ASPHD1: variants seen among roughly 807,000 people sequenced by gnomAD.
ASPHD1 encodes the protein aspartate beta-hydroxylase domain-containing protein 1.
ASPHD1 carries 20 observed loss-of-function variants against 28.3 expected under a neutral mutation model. The ratio of observed to expected loss-of-function variants is 0.71; its 90% CI spans 0.50 to 1.03. ASPHD1 has a LOEUF of 1.03. Ranked by LOEUF, ASPHD1 falls within the 50% of genes least tolerant of loss-of-function variation. The pLI, the probability that ASPHD1 is intolerant of heterozygous loss-of-function variation, is 0.00. For synonymous variants in ASPHD1, 240 were observed against 221.2 expected (o/e 1.08, Z -0.75); for missense variants, 479 against 524.1 (o/e 0.91, Z 0.84).
intron 3 of ASPHD1, chr16:29,914,164 C>T (rs2068767174): frequency 6.6e-6 from 1 of 152,050 alleles, no homozygotes; most frequent in African/African-American, 2.4e-5. Context: ...GTCTGTTGGT[C>T]CTATCCAGTG....
At chr16:29,908,284 G>C (rs539168647), downstream of ASPHD1, among the ~76,000 whole-genome samples, 359 of 152,300 alleles carry the variant, frequency 2.4e-3, 2 homozygotes, top group African/African-American at 8.4e-3. Flanking sequence ...AGAGGGAATG[G>C]AAAGGGATGA....
chr16:29,918,928 G>C lies in ASPHD1; in HGVS notation c.*63-603G>C, dbSNP rs544181712. 2.4e-3 allele frequency among the ~76,000 whole-genome samples: 360 copies of C among 152,248 alleles called. 1 individual carries two copies. Among genetic ancestry groups the C allele is most frequent in the African/African-American group, 8.4e-3 (348 of 41,530 alleles). On this transcript the variant is annotated intron_variant and NMD_transcript_variant, in intron 3 of 3. Coordinates refer to the ASPHD1 transcript ENST00000414952. Reference sequence around the variant, plus strand: ...CTGCCTCAGCCTCCCAAAGTGCTGGGATTACAGGCATGAGCCACCGCACCT... The same window carrying C: ...CTGCCTCAGCCTCCCAAAGTGCTGGCATTACAGGCATGAGCCACCGCACCT...
At chr16:29,907,324 A>G (rs984572485), downstream of ASPHD1, among the ~76,000 whole-genome samples, 1 of 152,122 alleles carries the variant, frequency 6.6e-6, no homozygotes, top group Admixed American at 6.5e-5. Flanking sequence ...TCTCTCCTTC[A>G]TCTCCTTCCC....
intron 1 of ASPHD1, 71 bp from the exon 2 acceptor site, chr16:29,904,781 C>T: frequency 2.1e-6 from 2 of 973,950 alleles, no homozygotes; most frequent in South Asian, 1.5e-5. Context: ...GAGCTAGTTG[C>T]TAATTGACTG....
In ASPHD1 at chr16:29,916,645, C is replaced by G. The variant is rs74017650; in HGVS notation, c.*63-2886C>G. Among the ~76,000 whole-genome samples, 1,298 of 152,188 alleles carry G rather than the reference C, an allele frequency of 8.5e-3. 15 individuals carry two copies. Among genetic ancestry groups the G allele is most frequent in the African/African-American group, 0.03 (1,245 of 41,542 alleles). ...TTGGGAGGCCAAGGCTGGAGGACTG[C>G]TTGAGGTCAGGAGTTCGAGACCAGC... On this transcript the variant is annotated intron_variant and NMD_transcript_variant, in intron 3 of 3. Coordinates refer to the ASPHD1 transcript ENST00000414952.
chr16:29,910,772 C>A (rs1013034595), downstream of ASPHD1, among the ~76,000 whole-genome samples: 13 of 152,230 alleles, frequency 8.5e-5, no homozygotes, highest in African/African-American at 3.1e-4. Flanking sequence ...AGGCTAAGCA[C>A]CCTGCTCTAA....
chr16:29,906,979 C>G (rs746822848), downstream of ASPHD1: 17 of 1,614,050 alleles, frequency 1.1e-5, no homozygotes, highest in East Asian at 3.8e-4. Context: ...TCATCCTCCC[C>G]GCGGCCAGCC....
At chr16:29,914,431 A>G (rs1597019329) in intron 3 of ASPHD1, 1 of 146,164 alleles carries the variant, frequency 6.8e-6, no homozygotes, top group Non-Finnish European at 1.5e-5. Flanking sequence ...CCTTAAGTGC[A>G]TTTCTTTTTT....
chr16:29,913,320 T>C (rs982512230), intron 3 of ASPHD1: 1 of 151,894 alleles, frequency 6.6e-6, no homozygotes, highest in African/African-American at 2.4e-5. Context: ...GCCACAACAG[T>C]GAGAACGGTA....
rs2068531149 is a variant in ASPHD1, at chr16:29,900,846, G to C, written c.-126G>C. ...GAGATTGAGGTGGGAGAGAGAAGCA[G>C]AGCGAGAGAGAGGAGGCTGCTGGAA... On this transcript the variant is annotated 5_prime_UTR_variant, in exon 1 of 3. Coordinates refer to ENST00000308748, the MANE Select transcript of ASPHD1 (RefSeq NM_181718.4). The C allele has an allele frequency of 6.0e-6, 5 of 831,078 alleles. No homozygotes were observed. In the South Asian group the frequency reaches 8.7e-5, roughly 14 times the overall value. The allele number at this position is 831,078 out of a possible 1,614,324, so 51.5% of individuals were successfully genotyped here. A position where few individuals can be genotyped will look rare whatever the true frequency, so the allele number is the denominator to read the frequency against.
At position 29,901,184 on chromosome 16, in the gene ASPHD1, G is replaced by T. The variant is rs1183909760; in HGVS notation, c.213G>T (p.Trp71Cys). 1.9e-6 allele frequency: 3 copies of T among 1,613,480 alleles called. No homozygotes were observed. Among genetic ancestry groups the T allele is most frequent in the Non-Finnish European group, 2.5e-6 (3 of 1,179,718 alleles). The change falls in exon 1 of 3, where the codon TGG becomes TGT. Residue 71 changes from tryptophan (W) to cysteine (C), a missense_variant. Trp to Cys is a radical substitution (Grantham distance 215). Coordinates refer to ENST00000308748, the MANE Select transcript of ASPHD1 (RefSeq NM_181718.4). The surrounding 1 kb of genome is among the most constrained non-coding windows in gnomAD (Gnocchi z 5.1). Reference protein sequence around the residue: ...LARASLIMLPWPLPLASSALT... With the variant: ...LARASLIMLPCPLPLASSALT... ...GGGCCTCCCTGATCATGCTCCCGTG[G>T]CCACTACCCCTGGCCTCCTCGGCCC...
chr16:29,905,701 T>G, intron 2 of ASPHD1, 87 bp from the exon 3 acceptor site: 2 of 739,692 alleles, frequency 2.7e-6, no homozygotes, highest in South Asian at 1.7e-5. Context: ...ACTTATTTAC[T>G]GTTTGCTTTT....
chr16:29,903,442 T>C (rs1232354471), intron 1 of ASPHD1, among the ~76,000 whole-genome samples: 1 of 151,904 alleles, frequency 6.6e-6, no homozygotes, highest in Non-Finnish European at 1.5e-5. Flanking sequence ...CCTCCCAAAG[T>C]GCTGAGATTA....
downstream of ASPHD1, chr16:29,906,547 A>G: frequency 2.0e-6 from 1 of 498,180 alleles, no homozygotes; most frequent in Non-Finnish European, 3.9e-6. Context: ...AGGGCCGCAC[A>G]CTTTGGCATG....
chr16:29,906,993 C>T (rs769495936), downstream of ASPHD1: 1 of 1,614,178 alleles, frequency 6.2e-7, no homozygotes, highest in South Asian at 1.1e-5. Flanking sequence ...GCCAGCCCCA[C>T]CAGCTCCAGC....
intron 1 of ASPHD1, among the ~76,000 whole-genome samples, chr16:29,902,740 C>T (rs2068564392): frequency 6.6e-6 from 1 of 152,042 alleles, no homozygotes; most frequent in Non-Finnish European, 1.5e-5. Flanking sequence ...TGGTCTCCAT[C>T]TCCTGACCTC....
At chr16:29,904,556 T>G (rs1449703722) in intron 1 of ASPHD1, among the ~76,000 whole-genome samples, 2 of 144,724 alleles carry the variant, frequency 1.4e-5, no homozygotes, top group Non-Finnish European at 1.5e-5. Context: ...GGAAGCAGAG[T>G]GAGCTGAGAT....
chr16:29,912,539 A>C (rs1197094345), intron 3 of ASPHD1, among the ~76,000 whole-genome samples: 7 of 152,106 alleles, frequency 4.6e-5, no homozygotes, highest in African/African-American at 1.7e-4. Context: ...CTCCCGGGTT[A>C]AAGCAATTCT....
Position 29,900,948 on chromosome 16 carries a change from AG to A in ASPHD1, c.-22del. On this transcript the variant is annotated 5_prime_UTR_variant, in exon 1 of 3. Coordinates refer to ENST00000308748, the MANE Select transcript of ASPHD1 (RefSeq NM_181718.4). ...AGAAGGAGAGAGAAAGGGGAGAGAAAGGAGAGAGGAGGGTTGGAGGTGCATG... is the reference window on the plus strand; with the variant it reads ...AGAAGGAGAGAGAAAGGGGAGAGAAAGAGAGAGGAGGGTTGGAGGTGCATG... 2 of 1,544,612 alleles carry A rather than the reference AG, an allele frequency of 1.3e-6. No individual in the cohort carries two copies. The highest frequency in any genetic ancestry group is 1.8e-6 in the Non-Finnish European group (2 of 1,141,870).
Sources: gnomAD v4.1 joint callset for allele counts (sites outside exome capture counted in the v4.1 genomes callset) on GRCh38, gnomAD v4.1.1 for gene constraint, Gnocchi (gnomAD v3.1) non-coding constraint, MANE v1.5 for transcripts, NCBI Gene and HGNC (gene_info 2026-07-23, HGNC 2026-07-21) for gene names.